The following PCIF1 variants were observed in gnomAD, a reference collection of about 807,000 sequenced individuals.
PCIF1 encodes the protein mRNA (2'-O-methyladenosine-N(6)-)-methyltransferase.
PCIF1 carries 12 observed loss-of-function variants against 86.9 expected under a neutral mutation model. That is an observed-to-expected ratio of 0.14 (90% CI 0.09 to 0.22). The LOEUF (loss-of-function observed/expected upper bound fraction) is 0.22. Among genes scored for constraint, PCIF1 ranks in the 10% least tolerant of loss-of-function variants. The pLI is 1.00. For synonymous variants in PCIF1, 397 were observed against 372.0 expected, an observed-to-expected ratio of 1.07 and a Z score of -0.77; for missense variants, 701 against 951.1, an observed-to-expected ratio of 0.74 and a Z score of 3.46.
chr20:45,940,343 T>C (rs1218061338), intron 4 of PCIF1, 132 bp from the exon 5 acceptor site: 3 of 1,187,582 alleles, frequency 2.5e-6, no homozygotes, highest in Non-Finnish European at 3.4e-6. Flanking sequence ...CCCAGTGTTC[T>C]CTGCCTGTAT....
chr20:45,939,517 C>T (rs1163618274), intron 4 of PCIF1, among the ~76,000 whole-genome samples, 178 bp downstream of exon 4: 1 of 152,232 alleles, frequency 6.6e-6, no homozygotes, highest in African/African-American at 2.4e-5. Context: ...ATGGGGTAGA[C>T]TGACAAGTAA....
At chr20:45,935,167 C>G (rs1053344693) in intron 1 of PCIF1, among the ~76,000 whole-genome samples, 285 of 151,226 alleles carry the variant, frequency 1.9e-3, no homozygotes, top group African/African-American at 6.4e-3. Context: ...ACAGCCCACC[C>G]TCGCTGGGGT....
rs2083518404 is a variant in PCIF1, at chr20:45,945,734, G to A, written c.1192G>A (p.Glu398Lys). ...ISEEVEAPEV[E>K]PRLVYCYPVR... The stretch of plus-strand genomic sequence containing the variant: ...AGAGGAGGTGGAGGCCCCTGAGGTG[G>A]AGCCCCGCCTAGTGTACTGCTACCC... Residue 398 changes from glutamate to lysine, a missense_variant, in exon 12 of 17, where the codon GAG becomes AAG. By Grantham distance (56) the Glu-to-Lys change is moderately conservative. Transcript: ENST00000372409. 6.2e-7 allele frequency: 1 copy of A among 1,613,556 alleles called. No individual in the cohort carries two copies. The highest frequency in any genetic ancestry group is 1.3e-5 in the African/African-American group (1 of 74,916).
At position 45,946,325 on chromosome 20, in the gene PCIF1, C is replaced by T. The variant is rs1205735908; in HGVS notation, c.1554C>T (p.Cys518=). Residue 518 remains cysteine (C), a synonymous_variant, in exon 14 of 17, where the codon TGC becomes TGT. Coordinates refer to ENST00000372409, the MANE Select transcript of PCIF1 (RefSeq NM_022104.4). ...SFECFASPLN[C]YFRQYCSAFP... is the part of the protein sequence containing the mutation. ...AGTGCTTCGCCTCACCCCTCAACTGCTACTTCCGCCAGTACTGTTCTGCCT... is the reference window on the plus strand; with the variant it reads ...AGTGCTTCGCCTCACCCCTCAACTGTTACTTCCGCCAGTACTGTTCTGCCT... 1.2e-6 allele frequency: 2 copies of T among 1,614,122 alleles called. No individual in the cohort carries two copies. The highest frequency in any genetic ancestry group is 2.2e-5 in the South Asian group (2 of 91,088).
intron 1 of PCIF1, among the ~76,000 whole-genome samples, chr20:45,935,005 G>T (rs1020832967): frequency 6.6e-6 from 1 of 151,544 alleles, no homozygotes; most frequent in African/African-American, 2.4e-5. Context: ...GAGAGCCCCA[G>T]CGGAGCGGGC....
At chr20:45,935,311 C>T (rs978809946) in intron 1 of PCIF1, among the ~76,000 whole-genome samples, 9 of 152,066 alleles carry the variant, frequency 5.9e-5, no homozygotes, top group Non-Finnish European at 1.2e-4. Flanking sequence ...TGGTACATTG[C>T]GGAGATGGTC....
chr20:45,947,919 T>A lies in PCIF1; in HGVS notation c.*164T>A. 6.5e-7 allele frequency: 1 copy of A among 1,533,634 alleles called. No individual in the cohort carries two copies. Among genetic ancestry groups the A allele is most frequent in the Non-Finnish European group, 8.7e-7 (1 of 1,146,264 alleles). On this transcript the variant is annotated 3_prime_UTR_variant, in exon 17 of 17. Coordinates refer to ENST00000372409, the MANE Select transcript of PCIF1 (RefSeq NM_022104.4). This position sits in a 1 kb window ranked among gnomAD's most constrained non-coding sequence, Gnocchi z 5.4. Reference sequence around the variant, plus strand: ...CCCCAAGTCCTCACCTCAAACTCCCTCCAAGTCCCATGTATATAGGTCCTG... The same window carrying A: ...CCCCAAGTCCTCACCTCAAACTCCCACCAAGTCCCATGTATATAGGTCCTG...
chr20:45,946,449 C>T (rs2083527525), intron 14 of PCIF1, 65 bp downstream of exon 14: 5 of 1,550,344 alleles, frequency 3.2e-6, no homozygotes, highest in Non-Finnish European at 4.4e-6. Context: ...ACAGGGCCCG[C>T]CTCTGCTGGC....
chr20:45,942,648 T>C (rs144134513), intron 7 of PCIF1, among the ~76,000 whole-genome samples: 2 of 151,550 alleles, frequency 1.3e-5, no homozygotes, highest in African/African-American at 4.8e-5. Flanking sequence ...AAGGTCTCGC[T>C]CTGTCACCCA....
Position 45,943,641 on chromosome 20 carries a change from C to T in PCIF1, c.906-25C>T, listed in dbSNP as rs756640767. The T allele has an allele frequency of 2.3e-5, 35 of 1,549,060 alleles. No individual in the cohort carries two copies. The Admixed American group carries it at 5.3e-4, about 23-fold the overall frequency. On this transcript the variant is annotated intron_variant, in intron 9 of 16. Transcript: ENST00000372409. This position sits in a 1 kb window ranked among gnomAD's most constrained non-coding sequence, Gnocchi z 5.5. ...GAGGGTGGAGCCAAGCCATTCCTTT[C>T]TTCTGCCCTCCCCTTGACTGGCAGG...
chr20:45,938,960 CTT>C lies in PCIF1; in HGVS notation c.-19-19_-19-18del, dbSNP rs1234475060. 6 of 1,611,884 alleles carry C rather than the reference CTT, an allele frequency of 3.7e-6. No homozygotes were observed. The highest frequency in any genetic ancestry group is 1.1e-5 in the South Asian group (1 of 90,842). Reference sequence around the variant, plus strand: ...CGGGTGAGGGGGTGGAGCTGACACTCTTTGGTCCTCTGTGTGGCAGGTCCTGT... The same window carrying C: ...CGGGTGAGGGGGTGGAGCTGACACTCTGGTCCTCTGTGTGGCAGGTCCTGT... On this transcript the variant is annotated intron_variant, in intron 2 of 16. Transcript: ENST00000372409.
chr20:45,946,989 C>A, intron 14 of PCIF1, 84 bp from the exon 15 acceptor site: 1 of 1,153,096 alleles, frequency 8.7e-7, no homozygotes, highest in Non-Finnish European at 1.3e-6. Flanking sequence ...TTCAGTGTGG[C>A]TGCCTAGGGT....
chr20:45,945,098 G>GTGAGAC, intron 11 of PCIF1, 68 bp downstream of exon 11: 1 of 1,487,114 alleles, frequency 6.7e-7, no homozygotes, highest in Non-Finnish European at 9.0e-7. Context: ...GAAGGGACAA[G>GTGAGAC]TGAGACTGAG....
chr20:45,947,511 C>A lies in PCIF1; in HGVS notation c.1884-13C>A, dbSNP rs769668195. ...GGCCCAGCCCCACCCTGAGCCATTG[C>A]CTTTGCCCGCAGGGAGGAAATGCAC... On this transcript the variant is annotated splice_polypyrimidine_tract_variant and intron_variant, in intron 16 of 16. Transcript: ENST00000372409. The surrounding 1 kb of genome is among the most constrained non-coding windows in gnomAD (Gnocchi z 5.4). 1.4e-5 allele frequency: 22 copies of A among 1,613,566 alleles called. No individual in the cohort carries two copies. Among genetic ancestry groups the A allele is most frequent in the Admixed American group, 1.2e-4 (7 of 60,006 alleles).
rs746165752 is a variant in PCIF1 at position 45,936,341 on chromosome 20, ATTTTTTTTT to A, written c.-187-1064_-187-1056del. Among the ~76,000 whole-genome samples the A allele has an allele frequency of 4.6e-5, 5 of 109,708 alleles. No homozygotes were observed. In the East Asian group the frequency reaches 1.3e-3, roughly 28 times the overall value. 72.0% of individuals were successfully genotyped at this position (109,708 alleles called of 152,430 possible). A position where few individuals can be genotyped will look rare whatever the true frequency, so the allele number is the denominator to read the frequency against. On this transcript the variant is annotated intron_variant, in intron 1 of 16. Coordinates refer to ENST00000372409, the MANE Select transcript of PCIF1 (RefSeq NM_022104.4). Reference sequence around the variant, plus strand: ...AGGCTCCCGCCACCACGCCGGGCTAATTTTTTTTTTTTTTTTTTTTTGTATTTTTAGTAG... The same window carrying A: ...AGGCTCCCGCCACCACGCCGGGCTAATTTTTTTTTTTTGTATTTTTAGTAG...
Position 45,947,418 on chromosome 20 carries a change from C to T in PCIF1, c.1863C>T (p.Gly621=). 6.2e-7 allele frequency: 1 copy of T among 1,613,994 alleles called. No individual in the cohort carries two copies. The highest frequency in any genetic ancestry group is 8.5e-7 in the Non-Finnish European group (1 of 1,180,016). Reference sequence around the variant, plus strand: ...CCTTTGAGCATGAGTACCGCAGTGGCTCCCAGCACATCTGCAAGAAGTGGG... The same window carrying T: ...CCTTTGAGCATGAGTACCGCAGTGGTTCCCAGCACATCTGCAAGAAGTGGG... The part of the protein sequence containing the change: ...LPAFEHEYRS[G]SQHICKKEEM... Residue 621 remains glycine, a synonymous_variant, in exon 16 of 17, where the codon GGC becomes GGT. Transcript: ENST00000372409. The surrounding 1 kb of genome is among the most constrained non-coding windows in gnomAD (Gnocchi z 5.4).
Position 45,946,228 on chromosome 20 carries a change from G to A in PCIF1, c.1457G>A (p.Gly486Glu), listed in dbSNP as rs2145339667. Residue 486 changes from glycine (G) to glutamate (E), a missense_variant, in exon 14 of 17, where the codon GGG (glycine) becomes GAG (glutamate). By Grantham distance (98) the Gly-to-Glu change is moderately conservative. Transcript: ENST00000372409. ...ATGTTCGGCGTGGGCCTCTACGAGGGGACTGGCCTGCAGGGATCGCTGCCT... is the reference window on the plus strand; with the variant it reads ...ATGTTCGGCGTGGGCCTCTACGAGGAGACTGGCCTGCAGGGATCGCTGCCT... ...QMMFGVGLYE[G>E]TGLQGSLPVH... 1.2e-6 allele frequency: 2 copies of A among 1,614,212 alleles called. No homozygotes were observed. The highest frequency in any genetic ancestry group is 2.2e-5 in the East Asian group (1 of 44,892).
rs1307679630 is a variant in PCIF1 at position 45,943,898 on chromosome 20, C to T, written c.1005+133C>T. 7.8e-6 allele frequency: 5 copies of T among 641,994 alleles called. No homozygotes were observed. The highest frequency in any genetic ancestry group is 5.8e-5 in the South Asian group (3 of 51,888). The allele number at this position is 641,994 out of a possible 1,614,324, so 39.8% of individuals were successfully genotyped here. Reference sequence around the variant, plus strand: ...ATTCTTGTGCAGTATGGCAGACGTTCGACATTCGTCAGTCCCCAAACTCAT... The same window carrying T: ...ATTCTTGTGCAGTATGGCAGACGTTTGACATTCGTCAGTCCCCAAACTCAT... On this transcript the variant is annotated intron_variant, in intron 10 of 16. Transcript: ENST00000372409. The surrounding 1 kb of genome is among the most constrained non-coding windows in gnomAD (Gnocchi z 5.5).
In PCIF1 at chr20:45,946,503, T is replaced by C. The variant is rs978118460; in HGVS notation, c.1613+119T>C. ...TGGGTGGAGTCCCTGCCTCCACCTCTTACCGGCTATGTGACCTTGGACATG... is the reference window on the plus strand; with the variant it reads ...TGGGTGGAGTCCCTGCCTCCACCTCCTACCGGCTATGTGACCTTGGACATG... On this transcript the variant is annotated intron_variant, in intron 14 of 16. Coordinates refer to ENST00000372409, the MANE Select transcript of PCIF1 (RefSeq NM_022104.4). 3 of 1,188,004 alleles carry C rather than the reference T, an allele frequency of 2.5e-6. No individual in the cohort carries two copies. In the African/African-American group the frequency reaches 4.6e-5, roughly 18 times the overall value. 73.6% of individuals were successfully genotyped at this position (1,188,004 alleles called of 1,614,324 possible). A position where few individuals can be genotyped will look rare whatever the true frequency, so the allele number is the denominator to read the frequency against.
Sources: gnomAD v4.1 joint callset for allele counts (sites outside exome capture counted in the v4.1 genomes callset) on GRCh38, gnomAD v4.1.1 for gene constraint, Gnocchi (gnomAD v3.1) non-coding constraint, MANE v1.5 for transcripts, NCBI Gene and HGNC (gene_info 2026-07-23, HGNC 2026-07-21) for gene names.